Variants in LRRTM3 observed in about 807,000 individuals in gnomAD.
The protein encoded by LRRTM3 is leucine rich repeat transmembrane neuronal 3, also known as leucine-rich repeat transmembrane neuronal protein 3.
Under a neutral mutation model 44.7 loss-of-function variants are expected in LRRTM3, and 24 were observed. The ratio of observed to expected loss-of-function variants is 0.54; its 90% CI spans 0.39 to 0.76. LRRTM3 has a LOEUF of 0.76. Among genes scored for constraint, LRRTM3 ranks in the 30% least tolerant of loss-of-function variants. The pLI is 0.00. For synonymous variants in LRRTM3, 277 were observed against 278.7 expected (o/e 0.99, Z 0.06); for missense variants, 587 against 702.2 (o/e 0.84, Z 1.85).
chr10:66,979,850 A>G (rs547075894), intron 2 of LRRTM3, among the ~76,000 whole-genome samples: 11 of 152,194 alleles, frequency 7.2e-5, no homozygotes, highest in Admixed American at 1.3e-4. Flanking sequence ...TGGATTTGAA[A>G]CACTAGACTG....
intron 2 of LRRTM3, among the ~76,000 whole-genome samples, chr10:66,997,857 A>G (rs1851443677): frequency 6.6e-6 from 1 of 152,114 alleles, no homozygotes; most frequent in Non-Finnish European, 1.5e-5. Context: ...ACAGTCATCC[A>G]TTCCACTCCA....
Position 66,960,319 on chromosome 10 carries a change from A to C in LRRTM3, c.1536+31867A>C, listed in dbSNP as rs1433350050. Among the ~76,000 whole-genome samples, 3 of 152,280 alleles carry C rather than the reference A, an allele frequency of 2.0e-5. No individual in the cohort carries two copies. In the East Asian group the frequency reaches 5.8e-4, roughly 29 times the overall value. ...TGGAGCATTTTTGCATTTCTATATC[A>C]CTTCCAACTCAGCTTCATTTTGATT... On this transcript the variant is annotated intron_variant, in intron 2 of 2. Transcript: ENST00000361320.
At chr10:67,029,672 G>C (rs1453307592) in intron 2 of LRRTM3, among the ~76,000 whole-genome samples, 4 of 152,136 alleles carry the variant, frequency 2.6e-5, no homozygotes, top group Non-Finnish European at 5.9e-5. Context: ...TTTCCCAAAA[G>C]ACTTAAGTGT....
rs376708227 is a variant in LRRTM3 at position 66,958,210 on chromosome 10, A to C, written c.1536+29758A>C. ...AGAAAGGAAGAAAATAAATATTCTA[A>C]TTGGCCCAACTGATTTATTTGAAAC... On this transcript the variant is annotated intron_variant, in intron 2 of 2. Coordinates refer to ENST00000361320, the MANE Select transcript of LRRTM3 (RefSeq NM_178011.5). Among the ~76,000 whole-genome samples the C allele has an allele frequency of 1.3e-4, 19 of 151,664 alleles. No homozygotes were observed. The South Asian group carries it at 1.5e-3, about 12-fold the overall frequency.
chr10:66,979,859 T>A (rs565624874), intron 2 of LRRTM3, among the ~76,000 whole-genome samples: 126 of 152,314 alleles, frequency 8.3e-4, no homozygotes, highest in Middle Eastern at 3.4e-3. Context: ...AACACTAGAC[T>A]GAAAAACAAA....
At chr10:66,983,685 G>A (rs1850572485) in intron 2 of LRRTM3, among the ~76,000 whole-genome samples, 1 of 152,106 alleles carries the variant, frequency 6.6e-6, no homozygotes, top group Non-Finnish European at 1.5e-5. Flanking sequence ...TCAGGTGGAG[G>A]GAGGCATAGA....
At chr10:67,020,553 C>T (rs1412414165) in intron 2 of LRRTM3, among the ~76,000 whole-genome samples, 1 of 152,114 alleles carries the variant, frequency 6.6e-6, no homozygotes, top group African/African-American at 2.4e-5. Context: ...AACCATTCAA[C>T]AAATATTTAC....
intron 2 of LRRTM3, among the ~76,000 whole-genome samples, chr10:67,058,020 A>G (rs1589674647): frequency 6.6e-6 from 1 of 152,178 alleles, no homozygotes; most frequent in Non-Finnish European, 1.5e-5. Context: ...TCCCCACATC[A>G]TAGACACACC....
At chr10:66,932,807 G>A (rs1341669814) in intron 2 of LRRTM3, among the ~76,000 whole-genome samples, 2 of 152,230 alleles carry the variant, frequency 1.3e-5, no homozygotes, top group Middle Eastern at 3.4e-3. Context: ...GATGATTTTG[G>A]ATACTTAATA....
chr10:67,012,434 T>C (rs1180170892), intron 2 of LRRTM3: 3 of 152,212 alleles, frequency 2.0e-5, no homozygotes, highest in African/African-American at 7.2e-5. Context: ...TAATATAAAT[T>C]GTTATAGCTC....
intron 2 of LRRTM3, among the ~76,000 whole-genome samples, chr10:66,950,973 A>C (rs752525705): frequency 3.9e-5 from 6 of 152,206 alleles, no homozygotes; most frequent in Non-Finnish European, 7.4e-5. Flanking sequence ...CTCCCTTTGA[A>C]TGCTAGATTT....
chr10:66,968,315 C>T (rs1473417621), intron 2 of LRRTM3, among the ~76,000 whole-genome samples: 1 of 150,278 alleles, frequency 6.7e-6, no homozygotes, highest in Non-Finnish European at 1.5e-5. Flanking sequence ...GAATATCAGA[C>T]ACTATTTTAG....
intron 2 of LRRTM3, among the ~76,000 whole-genome samples, chr10:66,940,068 TG>T (rs1339360122): frequency 6.6e-6 from 1 of 152,190 alleles, no homozygotes; most frequent in Non-Finnish European, 1.5e-5. Flanking sequence ...AGTTAGGTTT[TG>T]TGTTTGTTTT....
intron 2 of LRRTM3, among the ~76,000 whole-genome samples, chr10:67,004,441 T>C (rs988114944): frequency 2.0e-5 from 3 of 152,218 alleles, no homozygotes; most frequent in African/African-American, 7.2e-5. Context: ...GACAGCCCCA[T>C]GGCATGGTGT....
At chr10:67,066,434 G>A (rs182255648) in intron 2 of LRRTM3, among the ~76,000 whole-genome samples, 266 of 150,818 alleles carry the variant, frequency 1.8e-3, no homozygotes, top group Middle Eastern at 7.0e-3. Context: ...CTCGTGATCC[G>A]CCTGCCTTGG....
At chr10:67,046,741 C>G (rs779335568) in intron 2 of LRRTM3, among the ~76,000 whole-genome samples, 54 of 152,276 alleles carry the variant, frequency 3.5e-4, no homozygotes, top group Middle Eastern at 6.8e-3. Flanking sequence ...ATCCTTCTCT[C>G]TAAAATCTAG....
chr10:66,928,482 T>TA, intron 2 of LRRTM3, 30 bp downstream of exon 2: 1 of 1,544,108 alleles, frequency 6.5e-7, no homozygotes, highest in South Asian at 1.3e-5. Context: ...AAAGAGCTCT[T>TA]AAAAGCTGGG....
rs76971679 is a variant in LRRTM3, at chr10:67,078,496, A to C, written c.1537-19091A>C. Reference sequence around the variant, plus strand: ...GTCAAGGCAATTATTATGATTTATAAATTTTTTTCTGATACCTTTTTTATT... The same window carrying C: ...GTCAAGGCAATTATTATGATTTATACATTTTTTTCTGATACCTTTTTTATT... On this transcript the variant is annotated intron_variant, in intron 2 of 2. Transcript: ENST00000361320. 9.3e-3 allele frequency among the ~76,000 whole-genome samples: 1,413 copies of C among 151,480 alleles called. 49 individuals are homozygous for C. In the East Asian group the frequency reaches 0.11, roughly 12 times the overall value.
At chr10:66,979,436 A>G (rs528355022) in intron 2 of LRRTM3, among the ~76,000 whole-genome samples, 1 of 152,336 alleles carries the variant, frequency 6.6e-6, no homozygotes, top group South Asian at 2.1e-4. Context: ...AAAAGAAAGA[A>G]TGAAAAATTT....
Sources: gnomAD v4.1 joint callset for allele counts (sites outside exome capture counted in the v4.1 genomes callset) on GRCh38, gnomAD v4.1.1 for gene constraint, MANE v1.5 for transcripts, NCBI Gene and HGNC (gene_info 2026-07-23, HGNC 2026-07-21) for gene names.